The following KIF21A variants were observed in gnomAD, a reference collection of about 807,000 sequenced individuals.
KIF21A encodes kinesin family member 21A.
Under a neutral mutation model 202.9 loss-of-function variants are expected in KIF21A, and 114 were observed. The ratio of observed to expected loss-of-function variants is 0.56; its 90% CI spans 0.48 to 0.66. The LOEUF is 0.66. Among genes scored for constraint, KIF21A ranks in the 30% least tolerant of loss-of-function variants. KIF21A has a pLI of 0.00. For missense variants in KIF21A, 1,677 were observed against 1,994.9 expected (o/e 0.84, Z 3.04); for synonymous variants, 667 against 670.8 (o/e 0.99, Z 0.09).
At chr12:39,436,949 C>T (rs1021415028) in intron 1 of KIF21A, among the ~76,000 whole-genome samples, 30 of 152,122 alleles carry the variant, frequency 2.0e-4, no homozygotes, top group African/African-American at 6.3e-4. Context: ...ATCTGCCATG[C>T]ATTTTTATTG....
chr12:39,332,192 C>A (rs78344304), intron 21 of KIF21A, 22 bp downstream of exon 21: 25,520 of 1,603,350 alleles, frequency 0.016, 268 homozygotes, highest in Non-Finnish European at 0.017. Flanking sequence ...TAAACCATTA[C>A]GCTTTTTTAA....
intron 35 of KIF21A, among the ~76,000 whole-genome samples, chr12:39,304,553 A>G (rs187583855): frequency 6.6e-6 from 1 of 152,348 alleles, no homozygotes; most frequent in East Asian, 1.9e-4. Flanking sequence ...ATAAAAGATC[A>G]TGACAATAAG....
chr12:39,435,052 T>C (rs1938489621), intron 1 of KIF21A, among the ~76,000 whole-genome samples: 1 of 152,180 alleles, frequency 6.6e-6, no homozygotes. Context: ...GGTAACATCT[T>C]ACTACACACT....
chr12:39,326,451 A>C (rs936522614), intron 24 of KIF21A, 127 bp from the exon 25 acceptor site: 93 of 712,224 alleles, frequency 1.3e-4, no homozygotes, highest in Non-Finnish European at 4.6e-5. Context: ...TTAGTAGCTG[A>C]ATCTAAATAG....
chr12:39,356,971 G>GA (rs1209636268), intron 9 of KIF21A, 76 bp from the exon 10 acceptor site: 1 of 767,388 alleles, frequency 1.3e-6, no homozygotes, highest in Non-Finnish European at 2.2e-6. Context: ...AAAAAGTCGG[G>GA]AAACAAAACA....
chr12:39,315,115 C>T, intron 31 of KIF21A, 114 bp downstream of exon 31: 2 of 984,808 alleles, frequency 2.0e-6, no homozygotes, highest in South Asian at 2.7e-5. Context: ...ATTTGTACAA[C>T]AGACTTGATC....
intron 1 of KIF21A, among the ~76,000 whole-genome samples, chr12:39,397,721 A>G (rs558325948): frequency 9.2e-5 from 14 of 152,188 alleles, no homozygotes; most frequent in African/African-American, 3.1e-4. Context: ...CCTGGGATCT[A>G]TATCTTCACC....
chr12:39,334,038 C>T (rs545522793), intron 17 of KIF21A, among the ~76,000 whole-genome samples: 43 of 151,652 alleles, frequency 2.8e-4, no homozygotes, highest in South Asian at 1.7e-3. Context: ...CCTGTCTCTA[C>T]TAAAAATACA....
At chr12:39,331,543 C>A (rs946991030) in intron 22 of KIF21A, 147 bp downstream of exon 22, 22 of 654,982 alleles carry the variant, frequency 3.4e-5, no homozygotes, top group Non-Finnish European at 5.8e-5. Context: ...CTCTTCCTGA[C>A]TCTAAAGAAA....
intron 37 of KIF21A, among the ~76,000 whole-genome samples, chr12:39,299,981 A>C (rs765121181): frequency 6.6e-6 from 1 of 152,144 alleles, no homozygotes; most frequent in Non-Finnish European, 1.5e-5. Context: ...GGAGAAGAGC[A>C]GAAAAAAGTA....
intron 20 of KIF21A, 26 bp downstream of exon 20, chr12:39,332,565 G>A: frequency 6.2e-7 from 1 of 1,607,074 alleles, no homozygotes; most frequent in South Asian, 1.1e-5. Context: ...CTAAGGGGGA[G>A]CGTATCTACT....
rs10580436 is a variant in KIF21A at position 39,355,707 on chromosome 12, T to TTATATATATATATATATA, written c.1469+1107_1469+1124dup. Among the ~76,000 whole-genome samples the TTATATATATATATATATA allele has an allele frequency of 2.6e-3, 267 of 101,154 alleles. 4 individuals are homozygous for TTATATATATATATATATA. Among genetic ancestry groups the TTATATATATATATATATA allele is most frequent in the South Asian group, 0.01 (25 of 2,482 alleles). The allele number at this position is 101,154 out of a possible 152,430, so 66.4% of individuals were successfully genotyped here. A position where few individuals can be genotyped will look rare whatever the true frequency, so the allele number is the denominator to read the frequency against. ...TACCAAAAACATGAAGCATGAACAATTATATATATATATATATATATATAT... is the reference window on the plus strand; with the variant it reads ...TACCAAAAACATGAAGCATGAACAATTATATATATATATATATATATATATATATATATATATATATAT... On this transcript the variant is annotated intron_variant, in intron 10 of 37. Transcript: ENST00000361418.
At chr12:39,387,161 T>TACACACAC (rs3036323) in intron 1 of KIF21A, among the ~76,000 whole-genome samples, 2,763 of 138,188 alleles carry the variant, frequency 0.02, 87 homozygotes, top group Admixed American at 0.051. Flanking sequence ...ATGCAGTAGT[T>TACACACAC]ACACACACAC....
At chr12:39,428,287 T>TA (rs1488817653) in intron 1 of KIF21A, among the ~76,000 whole-genome samples, 1 of 152,252 alleles carries the variant, frequency 6.6e-6, no homozygotes, top group African/African-American at 2.4e-5. Context: ...GTATTTGTTT[T>TA]AACAATTCAA....
At chr12:39,355,707 T>TTATAGATATATATATATATATATATATA (rs1555172725) in intron 10 of KIF21A, among the ~76,000 whole-genome samples, 1 of 101,240 alleles carries the variant, frequency 9.9e-6, no homozygotes, top group Non-Finnish European at 1.9e-5. Context: ...GCATGAACAA[T>TTATAGATATATATATATATATATATATA]TATATATATA....
chr12:39,408,150 G>T (rs565045837), intron 1 of KIF21A, among the ~76,000 whole-genome samples: 1 of 152,200 alleles, frequency 6.6e-6, no homozygotes, highest in South Asian at 2.1e-4. Context: ...TTGGCACCAA[G>T]GACTGGTTTC....
rs1295910635 is a variant in KIF21A at position 39,331,734 on chromosome 12, C to A, written c.3109G>T (p.Ala1037Ser). The change falls in exon 22 of 38, where the codon GCC becomes TCC. Residue 1037 changes from alanine to serine, a missense_variant. Ala to Ser is a moderately conservative substitution (Grantham distance 99, BLOSUM62 1). Transcript: ENST00000361418. ...AGGAAGTGATCTAGCAGGTATCGGG[C>A]TTCTGTAAGGGTGCAGGCATTAATG... is the stretch of plus-strand genomic sequence containing the variant. Reference protein sequence around the residue: ...AVINACTLTEARYLLDHFLSM... With the variant: ...AVINACTLTESRYLLDHFLSM... The A allele has an allele frequency of 1.2e-6, 2 of 1,613,698 alleles. No individual in the cohort carries two copies. The highest frequency in any genetic ancestry group is 3.3e-5 in the Admixed American group (2 of 59,998).
intron 12 of KIF21A, among the ~76,000 whole-genome samples, chr12:39,343,103 A>G (rs1947579556): frequency 6.6e-6 from 1 of 152,136 alleles, no homozygotes; most frequent in Admixed American, 6.5e-5. Flanking sequence ...AGCATTTTAA[A>G]ATCATTAAAA....
chr12:39,345,444 G>C lies in KIF21A; in HGVS notation c.1712+1022C>G, dbSNP rs950756216. On this transcript the variant is annotated intron_variant, in intron 12 of 37. Transcript: ENST00000361418. ...GCCTAAGTACTTTAAAGAACCTATG[G>C]GCTTATGGCATGTAAGTATAAAAAC... is the stretch of plus-strand genomic sequence containing the variant. Among the ~76,000 whole-genome samples the C allele has an allele frequency of 9.3e-5, 14 of 151,164 alleles. No homozygotes were observed. In the East Asian group the frequency reaches 2.7e-3, roughly 29 times the overall value.
Sources: gnomAD v4.1 joint callset for allele counts (sites outside exome capture counted in the v4.1 genomes callset) on GRCh38, gnomAD v4.1.1 for gene constraint, MANE v1.5 for transcripts, NCBI Gene and HGNC (gene_info 2026-07-23, HGNC 2026-07-21) for gene names.